Variants in SYNPO2 observed in about 807,000 individuals in gnomAD.
The protein encoded by SYNPO2 is synaptopodin 2, also known as synaptopodin-2.
Under a neutral mutation model 85.0 loss-of-function variants are expected in SYNPO2, and 56 were observed. The ratio of observed to expected loss-of-function variants is 0.66; its 90% CI spans 0.53 to 0.82. SYNPO2 has a LOEUF of 0.82. Among genes scored for constraint, SYNPO2 ranks in the 40% least tolerant of loss-of-function variants. The pLI is 0.00. For synonymous variants in SYNPO2, 602 were observed against 591.1 expected (o/e 1.02, Z -0.27); for missense variants, 1,575 against 1,534.2 (o/e 1.03, Z -0.44).
At chr4:118,944,945 C>T (rs1315212946) in intron 1 of SYNPO2, among the ~76,000 whole-genome samples, 1 of 152,150 alleles carries the variant, frequency 6.6e-6, no homozygotes, top group African/African-American at 2.4e-5. Flanking sequence ...TTGTTGACAT[C>T]CTACCTTACC....
chr4:118,903,263 G>A (rs1391015594), intron 1 of SYNPO2, among the ~76,000 whole-genome samples: 1 of 152,052 alleles, frequency 6.6e-6, no homozygotes, highest in Non-Finnish European at 1.5e-5. Context: ...ACTTAATCAG[G>A]CACAGTAAAA....
intron 1 of SYNPO2, among the ~76,000 whole-genome samples, chr4:119,005,164 C>G (rs1736983592): frequency 6.6e-6 from 1 of 152,100 alleles, no homozygotes; most frequent in Non-Finnish European, 1.5e-5. Flanking sequence ...AAATTTTCTC[C>G]CATTGTGTAG....
In SYNPO2 at chr4:119,031,246, T is replaced by C; in HGVS notation, c.2471T>C (p.Val824Ala). 6.2e-7 allele frequency: 1 copy of C among 1,614,108 alleles called. No homozygotes were observed. Among genetic ancestry groups the C allele is most frequent in the South Asian group, 1.1e-5 (1 of 91,076 alleles). Residue 824 changes from valine to alanine, a missense_variant, in exon 4 of 5, where the codon GTG (valine) becomes GCG (alanine). This residue lies in a region of SYNPO2 where 1,508 missense variants were observed against 1,446.8 expected (regional missense o/e 1.04). Transcript: ENST00000307142. Reference sequence around the variant, plus strand: ...GCCCGGCCTGCAAGTACTTTGAACGTGGCTGGTCCCTTCAAAGGACCACAA... The same window carrying C: ...GCCCGGCCTGCAAGTACTTTGAACGCGGCTGGTCCCTTCAAAGGACCACAA... ...PPARPASTLN[V>A]AGPFKGPQAA...
chr4:119,015,342 T>A (rs888448102), intron 1 of SYNPO2, among the ~76,000 whole-genome samples: 1 of 152,186 alleles, frequency 6.6e-6, no homozygotes, highest in Non-Finnish European at 1.5e-5. Flanking sequence ...AAAATTTTCA[T>A]TTTACATATA....
intron 1 of SYNPO2, among the ~76,000 whole-genome samples, chr4:118,933,043 T>A (rs1420186930): frequency 6.6e-6 from 1 of 152,166 alleles, no homozygotes; most frequent in Non-Finnish European, 1.5e-5. Context: ...ATAAATAATG[T>A]TCAAGGAGGA....
intron 1 of SYNPO2, among the ~76,000 whole-genome samples, chr4:118,925,947 T>G (rs1733697297): frequency 6.6e-6 from 1 of 152,182 alleles, no homozygotes; most frequent in African/African-American, 2.4e-5. Context: ...ACCATGATTT[T>G]TGCTAGGTAC....
intron 1 of SYNPO2, among the ~76,000 whole-genome samples, chr4:118,937,183 C>T (rs900777381): frequency 1.3e-5 from 2 of 152,124 alleles, no homozygotes; most frequent in African/African-American, 4.8e-5. Context: ...TACAAAATTC[C>T]TCATAAGTTT....
intron 4 of SYNPO2, 111 bp from the exon 5 acceptor site, chr4:119,057,290 T>C: frequency 8.8e-7 from 1 of 1,139,422 alleles, no homozygotes; most frequent in Non-Finnish European, 1.2e-6. Context: ...TTTATTTTTA[T>C]TTTTATTTTT....
intron 1 of SYNPO2, among the ~76,000 whole-genome samples, chr4:119,009,381 C>CA (rs1365633819): frequency 6.6e-6 from 1 of 151,958 alleles, no homozygotes; most frequent in Non-Finnish European, 1.5e-5. Context: ...AAGAACATGC[C>CA]AAAAAATCTT....
chr4:118,929,821 C>T lies in SYNPO2; in HGVS notation c.105+40680C>T, dbSNP rs59918004. The stretch of plus-strand genomic sequence containing the variant: ...TCCATTAATCAAAACCTTCAATCAA[C>T]GGATTTATCGTGGATGCATACATTT... On this transcript the variant is annotated intron_variant, in intron 1 of 4. Coordinates refer to ENST00000307142, the MANE Select transcript of SYNPO2 (RefSeq NM_133477.3). Among the ~76,000 whole-genome samples the T allele has an allele frequency of 5.8e-3, 890 of 152,174 alleles. 5 individuals carry two copies. The highest frequency in any genetic ancestry group is 0.02 in the African/African-American group (817 of 41,538).
At chr4:118,917,530 T>G (rs1455341072) in intron 1 of SYNPO2, among the ~76,000 whole-genome samples, 1 of 152,254 alleles carries the variant, frequency 6.6e-6, no homozygotes. Context: ...GTCAGAGTTT[T>G]GTGATTCAAT....
intron 4 of SYNPO2, among the ~76,000 whole-genome samples, chr4:119,041,648 C>T (rs943066819): frequency 6.6e-6 from 1 of 152,170 alleles, no homozygotes. Flanking sequence ...GGTGGTATTA[C>T]TGAAATAAAC....
chr4:119,056,858 T>A (rs1175592098), intron 4 of SYNPO2, among the ~76,000 whole-genome samples: 1 of 152,220 alleles, frequency 6.6e-6, no homozygotes, highest in African/African-American at 2.4e-5. Flanking sequence ...CTGGTTTGTT[T>A]TTGCTATATT....
At chr4:118,901,242 G>T (rs1212238617) in intron 1 of SYNPO2, among the ~76,000 whole-genome samples, 1 of 152,024 alleles carries the variant, frequency 6.6e-6, no homozygotes, top group Non-Finnish European at 1.5e-5. Context: ...ATTGAGTATT[G>T]CCTGACTTCA....
At chr4:118,868,598 A>T (rs1027104055) in intron 1 of SYNPO2, among the ~76,000 whole-genome samples, 1 of 152,218 alleles carries the variant, frequency 6.6e-6, no homozygotes, top group South Asian at 2.1e-4. Flanking sequence ...ATTCCCAATA[A>T]TCTTAATTAT....
rs953100823 is a variant in SYNPO2 at position 119,057,792 on chromosome 4, C to A, written c.3644C>A (p.Ser1215Ter). The part of the protein sequence containing the change: ...NNMSTTSQYG[S>*]QLPYAYYRQA... ...ATGTCCACCACCTCCCAATATGGTTCACAGTTGCCATATGCATATTATAGG... is the reference window on the plus strand; with the variant it reads ...ATGTCCACCACCTCCCAATATGGTTAACAGTTGCCATATGCATATTATAGG... Residue 1215 changes from serine to a stop codon, truncating the protein, a stop_gained, in exon 5 of 5, where the codon TCA becomes TAA. Transcript: ENST00000307142. LOFTEE classifies it high-confidence loss of function. The A allele has an allele frequency of 1.9e-6, 3 of 1,613,936 alleles. No homozygotes were observed. In the African/African-American group the frequency reaches 4.0e-5, roughly 22 times the overall value.
intron 4 of SYNPO2, among the ~76,000 whole-genome samples, chr4:119,050,669 A>G (rs980079646): frequency 4.6e-5 from 7 of 152,334 alleles, no homozygotes; most frequent in African/African-American, 1.2e-4. Context: ...CTTAGTGTTA[A>G]GCCCTTTTGT....
At chr4:118,958,783 T>C (rs1734969211) in intron 1 of SYNPO2, among the ~76,000 whole-genome samples, 1 of 152,168 alleles carries the variant, frequency 6.6e-6, no homozygotes, top group African/African-American at 2.4e-5. Flanking sequence ...TTAGGAGAAA[T>C]GTTGAAAATT....
intron 4 of SYNPO2, among the ~76,000 whole-genome samples, chr4:119,041,704 A>T (rs1329330529): frequency 6.6e-6 from 1 of 152,246 alleles, no homozygotes; most frequent in Non-Finnish European, 1.5e-5. Context: ...TTAATTTTAC[A>T]TTGAATGAAC....
Sources: gnomAD v4.1 joint callset for allele counts (sites outside exome capture counted in the v4.1 genomes callset) on GRCh38, gnomAD v4.1.1 for gene constraint, gnomAD v4.1.1 regional missense constraint, MANE v1.5 for transcripts, NCBI Gene and HGNC (gene_info 2026-07-23, HGNC 2026-07-21) for gene names.